Variants in ECT2L observed in about 807,000 individuals in gnomAD.
ECT2L encodes epithelial cell transforming 2 like.
In ECT2L, 126 loss-of-function variants were observed where a neutral mutation model predicts 122.8. The observed-to-expected ratio is 1.03, with a 90% CI of 0.89 to 1.19. ECT2L has a LOEUF of 1.19. ECT2L is among the 50% of genes most tolerant of loss of function. The pLI, the probability that ECT2L is intolerant of heterozygous loss-of-function variation, is 0.00. For synonymous variants in ECT2L, 385 were observed against 381.8 expected (o/e 1.01, Z -0.10); for missense variants, 1,012 against 1,064.1 (o/e 0.95, Z 0.68).
chr6:138,851,361 T>G (rs1777444367), intron 9 of ECT2L, among the ~76,000 whole-genome samples: 1 of 152,016 alleles, frequency 6.6e-6, no homozygotes, highest in South Asian at 2.1e-4. Flanking sequence ...TCTATTTTTA[T>G]TTTTTAGAGA....
intron 5 of ECT2L, among the ~76,000 whole-genome samples, chr6:138,840,278 C>T (rs911774673): frequency 1.3e-5 from 2 of 151,934 alleles, no homozygotes; most frequent in South Asian, 4.2e-4. Flanking sequence ...TATAAATGCA[C>T]CCACGCAGTT....
chr6:138,811,054 G>C (rs1775874879), intron 1 of ECT2L, among the ~76,000 whole-genome samples: 1 of 152,224 alleles, frequency 6.6e-6, no homozygotes, highest in Non-Finnish European at 1.5e-5. Context: ...GCATGGACCT[G>C]GTGACTTGCT....
intron 9 of ECT2L, 139 bp downstream of exon 9, chr6:138,849,573 C>CTTTTT (rs761157171): frequency 2.0e-6 from 1 of 509,250 alleles, no homozygotes; most frequent in Non-Finnish European, 3.1e-6. Context: ...AAAAGCGAAG[C>CTTTTT]TTTTTTTTTT....
chr6:138,845,658 C>T (rs143270387), intron 7 of ECT2L, among the ~76,000 whole-genome samples: 2 of 152,310 alleles, frequency 1.3e-5, no homozygotes, highest in African/African-American at 4.8e-5. Flanking sequence ...ACACTAGAAC[C>T]TAAAACTCTA....
chr6:138,860,993 C>G (rs573502933), intron 10 of ECT2L, among the ~76,000 whole-genome samples: 26 of 152,084 alleles, frequency 1.7e-4, no homozygotes, highest in African/African-American at 6.0e-4. Context: ...GTTTTCTGTT[C>G]CTGTGTTAGT....
intron 20 of ECT2L, among the ~76,000 whole-genome samples, chr6:138,892,948 C>T (rs570560170): frequency 6.6e-6 from 1 of 152,320 alleles, no homozygotes; most frequent in Admixed American, 6.5e-5. Context: ...ACAGTTTTCT[C>T]CAGTGTCCTT....
chr6:138,804,262 T>C (rs1020176473), intron 1 of ECT2L, among the ~76,000 whole-genome samples: 4 of 152,226 alleles, frequency 2.6e-5, no homozygotes, highest in African/African-American at 9.6e-5. Context: ...TGCGTGTGTA[T>C]ATAGTGTGAG....
At chr6:138,832,553 G>A (rs555096043) in intron 4 of ECT2L, among the ~76,000 whole-genome samples, 82 of 152,228 alleles carry the variant, frequency 5.4e-4, no homozygotes, top group African/African-American at 1.9e-3. Flanking sequence ...CCCATGCAAG[G>A]TACAGGCCTG....
At chr6:138,815,950 A>G (rs1308085502) in intron 4 of ECT2L, among the ~76,000 whole-genome samples, 6 of 152,194 alleles carry the variant, frequency 3.9e-5, no homozygotes, top group Non-Finnish European at 1.5e-5. Flanking sequence ...TGCAAAGCAG[A>G]TTGTTAACGG....
At chr6:138,876,450 C>A in intron 13 of ECT2L, 22 bp from the exon 14 acceptor site, 2 of 1,573,782 alleles carry the variant, frequency 1.3e-6, no homozygotes, top group Non-Finnish European at 1.7e-6. Flanking sequence ...CTCCAATAAC[C>A]AAGTTTCCAT....
intron 20 of ECT2L, among the ~76,000 whole-genome samples, chr6:138,896,921 C>CA (rs1365799799): frequency 6.6e-6 from 1 of 152,174 alleles, no homozygotes; most frequent in Admixed American, 6.5e-5. Flanking sequence ...GCTGGGATTA[C>CA]AGGTGTGAGC....
chr6:138,816,928 C>G (rs78488505), intron 4 of ECT2L, among the ~76,000 whole-genome samples: 281 of 152,236 alleles, frequency 1.8e-3, no homozygotes, highest in Admixed American at 0.015. Context: ...CACAAAGAAC[C>G]CCCCTACCCA....
intron 4 of ECT2L, among the ~76,000 whole-genome samples, chr6:138,816,780 C>T (rs903662980): frequency 1.3e-5 from 2 of 152,180 alleles, no homozygotes; most frequent in South Asian, 2.1e-4. Flanking sequence ...CCGCCGCGCC[C>T]GGCCTAAACA....
chr6:138,852,635 A>G (rs1286490106), intron 9 of ECT2L, among the ~76,000 whole-genome samples: 1 of 152,164 alleles, frequency 6.6e-6, no homozygotes, highest in Non-Finnish European at 1.5e-5. Context: ...TATCATTGGC[A>G]GAAACGAATT....
Position 138,849,343 on chromosome 6 carries a change from G to T in ECT2L, c.978G>T (p.Leu326=). 2 of 1,614,088 alleles carry T rather than the reference G, an allele frequency of 1.2e-6. No individual in the cohort carries two copies. Among genetic ancestry groups the T allele is most frequent in the Non-Finnish European group, 1.7e-6 (2 of 1,180,012 alleles). ...ACAGCGTAACCTTGGAAAGCCTTCTGTATCTTATAGAAAAAGCTCTGGATG... is the reference window on the plus strand; with the variant it reads ...ACAGCGTAACCTTGGAAAGCCTTCTTTATCTTATAGAAAAAGCTCTGGATG... ...YEHSVTLESL[L]YLIEKALDGQ... is the part of the protein sequence containing the mutation. The change falls in exon 9 of 22, where the codon CTG becomes CTT. Residue 326 remains leucine, a synonymous_variant. Transcript: ENST00000541398.
chr6:138,859,575 G>T (rs1777744192), intron 10 of ECT2L, among the ~76,000 whole-genome samples: 1 of 152,094 alleles, frequency 6.6e-6, no homozygotes, highest in African/African-American at 2.4e-5. Context: ...TAGCCATTTG[G>T]GTGGGTATGT....
intron 18 of ECT2L, among the ~76,000 whole-genome samples, chr6:138,886,474 C>T (rs968473650): frequency 6.6e-6 from 1 of 150,472 alleles, no homozygotes; most frequent in African/African-American, 2.4e-5. Context: ...GTGGTGTGAT[C>T]TCGGCTCACT....
Position 138,882,768 on chromosome 6 carries a change from C to T in ECT2L, c.1925C>T (p.Pro642Leu). The stretch of plus-strand genomic sequence containing the variant: ...AGAGACAGACTGCAGGAATGGGGCC[C>T]AGCTCACTGTGTGGGAGAAATAGTC... Reference protein sequence around the residue: ...NLRDRLQEWGPAHCVGEIVTK... With the variant: ...NLRDRLQEWGLAHCVGEIVTK... The change falls in exon 16 of 22, where the codon CCA becomes CTA. Residue 642 changes from proline to leucine, a missense_variant. Pro to Leu is a moderately conservative substitution (Grantham distance 98). Transcript: ENST00000541398. The T allele has an allele frequency of 5.6e-6, 9 of 1,614,218 alleles. No individual in the cohort carries two copies. The highest frequency in any genetic ancestry group is 7.6e-6 in the Non-Finnish European group (9 of 1,180,022).
Position 138,881,017 on chromosome 6 carries a change from C to T in ECT2L, c.1726C>T (p.Gln576Ter), listed in dbSNP as rs201658402. 6.5e-5 allele frequency: 105 copies of T among 1,614,010 alleles called. No homozygotes were observed. Among genetic ancestry groups the T allele is most frequent in the Non-Finnish European group, 3.6e-5 (42 of 1,180,024 alleles). Residue 576 changes from glutamine to a stop codon, truncating the protein, a stop_gained, in exon 15 of 22, where the codon CAG becomes TAG. Coordinates refer to ENST00000541398, the MANE Select transcript of ECT2L (RefSeq NM_001077706.3). LOFTEE classifies it high-confidence loss of function. Reference protein sequence around the residue: ...KRARVVRELLQSERKYVQILE... With the variant: ...KRARVVRELL ...AGCTAGAGTTGTCAGAGAACTCTTA[C>T]AGAGTGAGAGAAAATACGTGCAGAT...
Sources: allele counts gnomAD v4.1 joint callset (sites outside exome capture counted in the v4.1 genomes callset), GRCh38; gene constraint gnomAD v4.1.1; transcripts MANE v1.5; gene names NCBI Gene and HGNC (gene_info 2026-07-23, HGNC 2026-07-21).